Variants in MDFIC2 observed in about 807,000 individuals in gnomAD.
MDFIC2 encodes MyoD family inhibitor domain containing 2.
At chr3:70,281,489 A>G (rs1475900114) in intron 2 of MDFIC2, among the ~76,000 whole-genome samples, 5 of 152,158 alleles carry the variant, frequency 3.3e-5, no homozygotes, top group Admixed American at 6.5e-5. Flanking sequence ...TCTGACATGC[A>G]TTTTCCTTAA....
chr3:70,196,198 G>C lies in MDFIC2; in HGVS notation c.*728C>G, dbSNP rs897656956. Among the ~76,000 whole-genome samples the C allele has an allele frequency of 6.6e-6, 1 of 152,144 alleles. No individual in the cohort carries two copies. The highest frequency in any genetic ancestry group is 1.5e-5 in the Non-Finnish European group (1 of 68,014). On this transcript the variant is annotated 3_prime_UTR_variant, in exon 4 of 4. Coordinates refer to ENST00000567252, the MANE Select transcript of MDFIC2 (RefSeq NM_001364677.1). Reference sequence around the variant, plus strand: ...CATTTATGCTTATTAGAATAACTAAGAGCCTTTCTGTAACGAATTAAGAAT... The same window carrying C: ...CATTTATGCTTATTAGAATAACTAACAGCCTTTCTGTAACGAATTAAGAAT...
intron 2 of MDFIC2, among the ~76,000 whole-genome samples, chr3:70,231,422 T>C (rs999096166): frequency 1.3e-5 from 2 of 152,186 alleles, no homozygotes; most frequent in Admixed American, 1.3e-4. Context: ...CCCCCAGAGC[T>C]CCCGACGCCT....
chr3:70,201,689 G>C (rs1701240946), intron 3 of MDFIC2, among the ~76,000 whole-genome samples: 1 of 152,154 alleles, frequency 6.6e-6, no homozygotes, highest in African/African-American at 2.4e-5. Flanking sequence ...AATCCAACCT[G>C]CCTTCCATAA....
chr3:70,300,047 A>G (rs1242946529), intron 2 of MDFIC2, among the ~76,000 whole-genome samples: 1 of 152,034 alleles, frequency 6.6e-6, no homozygotes, highest in Non-Finnish European at 1.5e-5. Flanking sequence ...GCCTATTGAA[A>G]CACTACCCAT....
At position 70,194,694 on chromosome 3, in the gene MDFIC2, T is replaced by C. The variant is rs1346269789; in HGVS notation, c.*2232A>G. On this transcript the variant is annotated 3_prime_UTR_variant, in exon 4 of 4. Coordinates refer to ENST00000567252, the MANE Select transcript of MDFIC2 (RefSeq NM_001364677.1). The stretch of plus-strand genomic sequence containing the variant: ...TTTTTATGTCTCTAATTGACAAGCA[T>C]TCAATTCACATTTGAAATGCACAAT... Among the ~76,000 whole-genome samples the C allele has an allele frequency of 1.3e-5, 2 of 152,204 alleles. No homozygotes were observed. Among genetic ancestry groups the C allele is most frequent in the Non-Finnish European group, 2.9e-5 (2 of 68,040 alleles).
intron 2 of MDFIC2, among the ~76,000 whole-genome samples, chr3:70,207,647 A>G (rs1290713366): frequency 6.6e-6 from 1 of 152,102 alleles, no homozygotes; most frequent in African/African-American, 2.4e-5. Context: ...CCAAATAACA[A>G]TGTAACAATA....
chr3:70,257,080 A>G (rs1157902054), intron 2 of MDFIC2, among the ~76,000 whole-genome samples: 3 of 152,210 alleles, frequency 2.0e-5, no homozygotes, highest in Non-Finnish European at 4.4e-5. Flanking sequence ...ACCATGAAAA[A>G]TGAGAGAGGA....
At chr3:70,299,575 G>T (rs567313191) in intron 2 of MDFIC2, among the ~76,000 whole-genome samples, 2 of 152,098 alleles carry the variant, frequency 1.3e-5, no homozygotes. Flanking sequence ...GCCAAGGCTC[G>T]TTGGAGTCAG....
chr3:70,198,219 T>G (rs547548715), intron 3 of MDFIC2, among the ~76,000 whole-genome samples: 3 of 152,258 alleles, frequency 2.0e-5, no homozygotes, highest in African/African-American at 4.8e-5. Flanking sequence ...GAGAAAAAAT[T>G]TCTCCTCTAG....
At chr3:70,280,928 A>G (rs561809362) in intron 2 of MDFIC2, among the ~76,000 whole-genome samples, 1 of 152,300 alleles carries the variant, frequency 6.6e-6, no homozygotes, top group Non-Finnish European at 1.5e-5. Context: ...TCAGTCTACT[A>G]GCATTAGATC....
At chr3:70,212,963 A>C (rs984796765) in intron 2 of MDFIC2, among the ~76,000 whole-genome samples, 4 of 151,756 alleles carry the variant, frequency 2.6e-5, no homozygotes, top group Non-Finnish European at 4.4e-5. Context: ...CAAGCTTATT[A>C]TAGTATTATT....
At chr3:70,257,789 A>T (rs191592424) in intron 2 of MDFIC2, among the ~76,000 whole-genome samples, 1 of 152,348 alleles carries the variant, frequency 6.6e-6, no homozygotes, top group African/African-American at 2.4e-5. Context: ...AGCAGCAGGC[A>T]TGTGTAGAAA....
intron 2 of MDFIC2, among the ~76,000 whole-genome samples, chr3:70,263,275 A>G (rs1445575198): frequency 6.6e-6 from 1 of 151,826 alleles, no homozygotes; most frequent in Non-Finnish European, 1.5e-5. Flanking sequence ...TATGTTATCG[A>G]GTGCTGGTTT....
intron 3 of MDFIC2, among the ~76,000 whole-genome samples, chr3:70,198,516 T>C (rs1388597045): frequency 6.6e-6 from 1 of 152,232 alleles, no homozygotes; most frequent in Non-Finnish European, 1.5e-5. Context: ...CTTTGGTTTC[T>C]TGTAAAAACA....
intron 2 of MDFIC2, among the ~76,000 whole-genome samples, chr3:70,298,081 G>A (rs539216330): frequency 1.3e-5 from 2 of 152,040 alleles, no homozygotes; most frequent in Non-Finnish European, 2.9e-5. Context: ...AAACAGGGCT[G>A]TGTATAATAT....
intron 2 of MDFIC2, among the ~76,000 whole-genome samples, chr3:70,224,405 T>C (rs907898729): frequency 1.3e-5 from 2 of 152,228 alleles, no homozygotes; most frequent in Non-Finnish European, 2.9e-5. Flanking sequence ...CTACCTATTC[T>C]AGAAGCCCTT....
chr3:70,289,669 C>G (rs1463690149), intron 2 of MDFIC2, among the ~76,000 whole-genome samples: 1 of 152,072 alleles, frequency 6.6e-6, no homozygotes, highest in Admixed American at 6.5e-5. Flanking sequence ...CAACTTGGTT[C>G]CATTCTCCCC....
At chr3:70,267,783 G>A (rs1172338122) in intron 2 of MDFIC2, among the ~76,000 whole-genome samples, 2 of 151,998 alleles carry the variant, frequency 1.3e-5, no homozygotes, top group African/African-American at 4.8e-5. Flanking sequence ...CACTGGATGA[G>A]AGTTCAGTTG....
chr3:70,266,466 G>A (rs1455212521), intron 2 of MDFIC2, among the ~76,000 whole-genome samples: 5 of 151,860 alleles, frequency 3.3e-5, no homozygotes, highest in Non-Finnish European at 7.4e-5. Context: ...TGTCACCCAG[G>A]CTGGAGAGTA....
Sources: allele counts gnomAD v4.1 joint callset (sites outside exome capture counted in the v4.1 genomes callset), GRCh38; gene constraint gnomAD v4.1.1; transcripts MANE v1.5; gene names NCBI Gene and HGNC (gene_info 2026-07-23, HGNC 2026-07-21).